The following DNAAF11 variants were observed in gnomAD, a reference collection of about 807,000 sequenced individuals.
DNAAF11 encodes dynein axonemal assembly factor 11, also known as leucine rich repeat containing 6.
A neutral mutation model predicts 60.8 loss-of-function variants in DNAAF11; 45 were observed. The observed-to-expected ratio is 0.74, with a 90% confidence interval of 0.58 to 0.95. The LOEUF is 0.95. Among genes scored for constraint, DNAAF11 ranks in the 40% least tolerant of loss-of-function variants. DNAAF11 has a pLI of 0.00. For synonymous variants in DNAAF11, 191 were observed against 183.5 expected (o/e 1.04, Z -0.33); for missense variants, 546 against 546.2 (o/e 1.00, Z 0.00).
the DNAAF11 span, among the ~76,000 whole-genome samples, chr8:132,693,518 G>C: frequency 6.6e-6 from 1 of 151,810 alleles, no homozygotes; most frequent in Non-Finnish European, 1.5e-5. Flanking sequence ...ACTGTTCTTG[G>C]TGTTGGAGAT....
At chr8:132,668,024 C>A (rs1203812676) in intron 1 of DNAAF11, among the ~76,000 whole-genome samples, 1 of 151,942 alleles carries the variant, frequency 6.6e-6, no homozygotes, top group Non-Finnish European at 1.5e-5. Context: ...AGAATAAAAT[C>A]AACTAATATG....
At chr8:132,642,778 C>T (rs1438072013) in intron 3 of DNAAF11, among the ~76,000 whole-genome samples, 3 of 152,220 alleles carry the variant, frequency 2.0e-5, no homozygotes, top group East Asian at 1.9e-4. Context: ...GCAACTGCAA[C>T]GCAAATGAGC....
intron 10 of DNAAF11, among the ~76,000 whole-genome samples, chr8:132,588,974 A>T (rs1265632163): frequency 1.3e-5 from 2 of 152,170 alleles, no homozygotes; most frequent in East Asian, 3.9e-4. Context: ...CTAAACCATT[A>T]GAAACTGCCC....
At chr8:132,643,761 G>A in intron 3 of DNAAF11, 1 of 455,252 alleles carries the variant, frequency 2.2e-6, no homozygotes, top group Non-Finnish European at 4.4e-6. Flanking sequence ...ATAATATTGA[G>A]TGCATTCGTT....
intron 3 of DNAAF11, among the ~76,000 whole-genome samples, chr8:132,645,014 G>A (rs1424871278): frequency 6.6e-6 from 1 of 152,186 alleles, no homozygotes; most frequent in Non-Finnish European, 1.5e-5. Context: ...TTTGAGATCT[G>A]AGAATGGACA....
chr8:132,583,698 T>C lies in DNAAF11; in HGVS notation c.1222A>G (p.Thr408Ala). 6.2e-7 allele frequency: 1 copy of C among 1,612,876 alleles called. No individual in the cohort carries two copies. Among genetic ancestry groups the C allele is most frequent in the Non-Finnish European group, 8.5e-7 (1 of 1,178,950 alleles). ...TSDRSREQTN[T>A]RSKHMEKLEV... ...GACAGTCTGGGAGGGTGGTACCTTG[T>C]ATTTGTTTGTTCTCTGCTCCTGTCC... Residue 408 changes from threonine to alanine, a missense_variant, in exon 11 of 12, where the codon ACA (threonine) becomes GCA (alanine). Physicochemically the swap from Thr to Ala is moderately conservative, Grantham distance 58. Coordinates refer to ENST00000620350, the MANE Select transcript of DNAAF11 (RefSeq NM_012472.6).
At chr8:132,573,063 G>T (rs1464835249) in intron 11 of DNAAF11, among the ~76,000 whole-genome samples, 1 of 150,460 alleles carries the variant, frequency 6.6e-6, no homozygotes, top group Non-Finnish European at 1.5e-5. Flanking sequence ...GGGGCACCTC[G>T]GTTGGCCAAT....
At chr8:132,576,237 C>T (rs1001674469) in intron 11 of DNAAF11, among the ~76,000 whole-genome samples, 2 of 152,122 alleles carry the variant, frequency 1.3e-5, no homozygotes, top group African/African-American at 4.8e-5. Context: ...CTATTTGTCA[C>T]AAACAAGATA....
Position 132,611,443 on chromosome 8 carries a change from C to T in DNAAF11, c.975-80G>A, listed in dbSNP as rs565430859. 75 of 759,538 alleles carry T rather than the reference C, an allele frequency of 9.9e-5. No homozygotes were observed. The African/African-American group carries it at 1.1e-3, about 11-fold the overall frequency. 47.0% of individuals were successfully genotyped at this position (759,538 alleles called of 1,614,324 possible). Reference sequence around the variant, plus strand: ...AAGTGCAAATATAAATTCACACTTACAGGACCATTTTAAATGAAGGGCGTT... The same window carrying T: ...AAGTGCAAATATAAATTCACACTTATAGGACCATTTTAAATGAAGGGCGTT... On this transcript the variant is annotated intron_variant, in intron 8 of 11. Transcript: ENST00000620350.
intron 7 of DNAAF11, among the ~76,000 whole-genome samples, chr8:132,619,174 C>T (rs1475226539): frequency 6.6e-6 from 1 of 152,114 alleles, no homozygotes; most frequent in Non-Finnish European, 1.5e-5. Flanking sequence ...TGGAAATCAT[C>T]ATTCTCAGTA....
At chr8:132,647,978 A>G (rs945586539) in intron 3 of DNAAF11, among the ~76,000 whole-genome samples, 12 of 152,226 alleles carry the variant, frequency 7.9e-5, no homozygotes, top group African/African-American at 2.7e-4. Context: ...CAATCAACAG[A>G]AGAAGAGGGA....
chr8:132,639,972 G>A (rs1821698097), intron 3 of DNAAF11, among the ~76,000 whole-genome samples: 1 of 152,142 alleles, frequency 6.6e-6, no homozygotes, highest in Admixed American at 6.5e-5. Context: ...GAATCCAGAA[G>A]TAGGCAATGC....
chr8:132,635,915 A>T (rs1396155740), intron 4 of DNAAF11, among the ~76,000 whole-genome samples: 1 of 152,124 alleles, frequency 6.6e-6, no homozygotes, highest in Non-Finnish European at 1.5e-5. Context: ...AATGCCAAAG[A>T]TTGGCCAGCA....
At chr8:132,664,949 C>T (rs1824486037) in intron 1 of DNAAF11, among the ~76,000 whole-genome samples, 1 of 151,882 alleles carries the variant, frequency 6.6e-6, no homozygotes, top group African/African-American at 2.4e-5. Context: ...AGGGAGCCTC[C>T]CTTAGCATGA....
chr8:132,584,198 C>A (rs1026778723), intron 10 of DNAAF11, among the ~76,000 whole-genome samples: 1 of 152,130 alleles, frequency 6.6e-6, no homozygotes, highest in Non-Finnish European at 1.5e-5. Context: ...CGGCTCACTG[C>A]GCCCTGGTTT....
upstream of DNAAF11, among the ~76,000 whole-genome samples, chr8:132,676,760 C>G (rs1427965632): frequency 6.6e-6 from 1 of 151,922 alleles, no homozygotes; most frequent in Admixed American, 6.6e-5. Flanking sequence ...AAGGGATCTT[C>G]GAACAGTAAG....
intron 3 of DNAAF11, among the ~76,000 whole-genome samples, chr8:132,652,786 T>C (rs1823149758): frequency 6.6e-6 from 1 of 151,904 alleles, no homozygotes; most frequent in Non-Finnish European, 1.5e-5. Flanking sequence ...CACCAGGGCC[T>C]GTCGGGGGTT....
intron 10 of DNAAF11, among the ~76,000 whole-genome samples, chr8:132,607,240 T>C (rs1000749979): frequency 6.6e-6 from 1 of 152,226 alleles, no homozygotes; most frequent in Non-Finnish European, 1.5e-5. Context: ...TTGCCACTTC[T>C]AGCCTAGACA....
At chr8:132,575,372 T>C (rs1814632278) in intron 11 of DNAAF11, among the ~76,000 whole-genome samples, 1 of 152,180 alleles carries the variant, frequency 6.6e-6, no homozygotes, top group Non-Finnish European at 1.5e-5. Context: ...GTGGCATCAG[T>C]CAATATGTAC....
Sources: gnomAD v4.1 joint callset for allele counts (sites outside exome capture counted in the v4.1 genomes callset) on GRCh38, gnomAD v4.1.1 for gene constraint, MANE v1.5 for transcripts, NCBI Gene and HGNC (gene_info 2026-07-23, HGNC 2026-07-21) for gene names.